LRP4: variants seen among roughly 807,000 people sequenced by gnomAD.
LRP4 encodes the protein LDL receptor related protein 4, also known as low-density lipoprotein receptor-related protein 4.
A neutral mutation model predicts 220.3 loss-of-function variants in LRP4; 95 were observed. The ratio of observed to expected loss-of-function variants is 0.43; its 90% CI spans 0.37 to 0.51. The LOEUF (loss-of-function observed/expected upper bound fraction) is 0.51, where lower values mean the gene tolerates loss of function less well. LRP4 is among the 20% of genes least tolerant of loss of function. The pLI is 0.00. For missense variants in LRP4, 1,925 were observed against 2,567.0 expected (o/e 0.75, Z 5.40); for synonymous variants, 903 against 954.6 (o/e 0.95, Z 1.00).
Position 46,868,133 on chromosome 11 carries a change from T to C in LRP4, c.4952-19A>G, listed in dbSNP as rs772798728. 8 of 1,613,834 alleles carry C rather than the reference T, an allele frequency of 5.0e-6. No homozygotes were observed. The highest frequency in any genetic ancestry group is 6.8e-6 in the Non-Finnish European group (8 of 1,179,978). On this transcript the variant is annotated intron_variant, in intron 33 of 37. Transcript: ENST00000378623. ...CCAGGCACTAGACAAAAAAGAGGAT[T>C]GGAGTGGGCCACTGGAACCATAAAC...
chr11:46,905,049 G>T (rs1294716423), intron 1 of LRP4, among the ~76,000 whole-genome samples: 13 of 150,958 alleles, frequency 8.6e-5, no homozygotes. Flanking sequence ...GTTGGGAGGT[G>T]CAGTGTCTCT....
chr11:46,871,714 C>T (rs1940869742), intron 30 of LRP4, 81 bp from the exon 31 acceptor site: 8 of 917,766 alleles, frequency 8.7e-6, no homozygotes, highest in Non-Finnish European at 1.4e-5. Context: ...CTGTTTGTCC[C>T]CTCCTGAGCT....
chr11:46,901,874 A>C (rs1409425193), intron 2 of LRP4, among the ~76,000 whole-genome samples: 1 of 151,890 alleles, frequency 6.6e-6, no homozygotes, highest in African/African-American at 2.4e-5. Flanking sequence ...CTGGGACCTC[A>C]GGTGCCTGCC....
intron 10 of LRP4, 41 bp downstream of exon 10, chr11:46,895,843 C>T: frequency 6.2e-7 from 1 of 1,606,136 alleles, no homozygotes; most frequent in South Asian, 1.1e-5. Context: ...GCTGCCCCTG[C>T]TCAGAACCCC....
intron 1 of LRP4, among the ~76,000 whole-genome samples, chr11:46,917,921 T>C (rs1463792314): frequency 6.6e-6 from 1 of 151,980 alleles, no homozygotes; most frequent in Admixed American, 6.6e-5. Flanking sequence ...CTATTTACAA[T>C]TTATGGGTTT....
At chr11:46,896,754 G>C in intron 8 of LRP4, 115 bp downstream of exon 8, 2 of 1,515,712 alleles carry the variant, frequency 1.3e-6, no homozygotes, top group South Asian at 2.3e-5. Flanking sequence ...TGATGCACCT[G>C]GATTTTACAC....
At chr11:46,891,623 A>G (rs1486759754) in intron 13 of LRP4, among the ~76,000 whole-genome samples, 1 of 152,024 alleles carries the variant, frequency 6.6e-6, no homozygotes, top group Non-Finnish European at 1.5e-5. Flanking sequence ...CTGAATTTTA[A>G]ATTTAATTTT....
chr11:46,895,392 T>C (rs1592541354), intron 10 of LRP4, 101 bp from the exon 11 acceptor site: 2 of 1,524,014 alleles, frequency 1.3e-6, no homozygotes, highest in East Asian at 4.5e-5. Context: ...CCATCTACTT[T>C]CCAGGCCTAG....
intron 1 of LRP4, among the ~76,000 whole-genome samples, chr11:46,913,562 A>C (rs1263180418): frequency 6.6e-6 from 1 of 152,134 alleles, no homozygotes; most frequent in African/African-American, 2.4e-5. Context: ...CCAGCTCCCA[A>C]ATTGGGGCAA....
chr11:46,876,089 T>C (rs1592524040), intron 25 of LRP4, 123 bp from the exon 26 acceptor site: 1 of 1,079,134 alleles, frequency 9.3e-7, no homozygotes, highest in East Asian at 2.5e-5. Flanking sequence ...AAATTTTTGC[T>C]TGACAAAGTA....
chr11:46,898,481 C>T, intron 7 of LRP4, 77 bp downstream of exon 7: 1 of 1,603,830 alleles, frequency 6.2e-7, no homozygotes, highest in Admixed American at 1.7e-5. Context: ...CCACCGCGCC[C>T]AGCCGGTAGT....
intron 2 of LRP4, among the ~76,000 whole-genome samples, chr11:46,901,808 C>T (rs567829683): frequency 2.3e-4 from 35 of 152,048 alleles, no homozygotes; most frequent in South Asian, 4.1e-4. Context: ...TCTCGGCTCA[C>T]TGCAAGCTCT....
At chr11:46,891,136 T>C (rs1330198958) in intron 13 of LRP4, among the ~76,000 whole-genome samples, 1 of 152,006 alleles carries the variant, frequency 6.6e-6, no homozygotes, top group East Asian at 1.9e-4. Flanking sequence ...TCTTTTATTT[T>C]TGAGACTCGC....
intron 1 of LRP4, among the ~76,000 whole-genome samples, chr11:46,905,923 C>T (rs1266544418): frequency 6.6e-6 from 1 of 151,728 alleles, no homozygotes; most frequent in Non-Finnish European, 1.5e-5. Context: ...CCCAAAACAT[C>T]AACAGAGGTT....
Position 46,875,852 on chromosome 11 carries a change from A to G in LRP4, c.3651T>C (p.Thr1217=). 1 of 1,614,088 alleles carries G rather than the reference A, an allele frequency of 6.2e-7. No homozygotes were observed. Among genetic ancestry groups the G allele is most frequent in the African/African-American group, 1.3e-5 (1 of 74,998 alleles). ...NNNLGWPNGL[T]VDKASSQLLW... is the part of the protein sequence containing the mutation. ...GCAGTTGGGAGCTGGCCTTGTCCACAGTCAGTCCATTGGGCCATCCTAGGT... is the reference window on the plus strand; with the variant it reads ...GCAGTTGGGAGCTGGCCTTGTCCACGGTCAGTCCATTGGGCCATCCTAGGT... The change falls in exon 26 of 38, where the codon ACT becomes ACC. Residue 1217 remains threonine (T), a synonymous_variant. Coordinates refer to ENST00000378623, the MANE Select transcript of LRP4 (RefSeq NM_002334.4). This position sits in a 1 kb window ranked among gnomAD's most constrained non-coding sequence, Gnocchi z 4.5.
At chr11:46,898,855 G>A in intron 6 of LRP4, 49 bp downstream of exon 6, 1 of 1,613,252 alleles carries the variant, frequency 6.2e-7, no homozygotes, top group Non-Finnish European at 8.5e-7. Flanking sequence ...CACCCAAGCA[G>A]TTCTTCCCAG....
chr11:46,883,811 T>C lies in LRP4; in HGVS notation c.2612+60A>G. The C allele has an allele frequency of 3.1e-6, 4 of 1,298,000 alleles. No homozygotes were observed. The South Asian group carries it at 4.8e-5, about 15-fold the overall frequency. The allele number at this position is 1,298,000 out of a possible 1,614,324, so 80.4% of individuals were successfully genotyped here. A position where few individuals can be genotyped will look rare whatever the true frequency, so the allele number is the denominator to read the frequency against. On this transcript the variant is annotated intron_variant, in intron 19 of 37. Transcript: ENST00000378623. ...ACTCTTCCTAATCTTTAGACTCCTC[T>C]CTGGAGCTCAGATCTTGGGAGGGGT...
In LRP4 at chr11:46,858,995, C is replaced by T. The variant is rs368711715; in HGVS notation, c.5706G>A (p.Glu1902=). Residue 1902 remains glutamate (E), a synonymous_variant, in exon 38 of 38, where the codon GAG becomes GAA. Coordinates refer to ENST00000378623, the MANE Select transcript of LRP4 (RefSeq NM_002334.4). The part of the protein sequence containing the change: ...GWKHERKLSS[E]SQV ...AGAATGTGGGCATTTAGACCTGGCT[C>T]TCTGAGGAGAGCTTGCGTTCATGTT... 5 of 1,614,050 alleles carry T rather than the reference C, an allele frequency of 3.1e-6. No individual in the cohort carries two copies. The highest frequency in any genetic ancestry group is 2.2e-5 in the East Asian group (1 of 44,868).
chr11:46,860,928 C>T, intron 37 of LRP4: 3 of 984,572 alleles, frequency 3.0e-6, no homozygotes, highest in Non-Finnish European at 3.6e-6. Context: ...GCAACAGGTA[C>T]CTGAAATCAA....
Sources: gnomAD v4.1 joint callset for allele counts (sites outside exome capture counted in the v4.1 genomes callset) on GRCh38, gnomAD v4.1.1 for gene constraint, Gnocchi (gnomAD v3.1) non-coding constraint, MANE v1.5 for transcripts, NCBI Gene and HGNC (gene_info 2026-07-23, HGNC 2026-07-21) for gene names.